Variants in ZNHIT6 observed in about 807,000 individuals in gnomAD.
ZNHIT6 encodes the protein box C/D snoRNA protein 1.
ZNHIT6 carries 45 observed loss-of-function variants against 57.2 expected under a neutral mutation model. The observed-to-expected ratio is 0.79, with a 90% CI of 0.62 to 1.01. The LOEUF is 1.01. ZNHIT6 is among the 50% of genes least tolerant of loss of function. The pLI, the probability that ZNHIT6 is intolerant of heterozygous loss-of-function variation, is 0.00. For synonymous variants in ZNHIT6, 188 were observed against 190.0 expected, an observed-to-expected ratio of 0.99 and a Z score of 0.09; for missense variants, 528 against 567.3, an observed-to-expected ratio of 0.93 and a Z score of 0.70.
chr1:85,682,449 C>T (rs552540899), intron 5 of ZNHIT6, among the ~76,000 whole-genome samples: 1 of 152,204 alleles, frequency 6.6e-6, no homozygotes, highest in South Asian at 2.1e-4. Flanking sequence ...CTCAATCACC[C>T]CAATTCTTGC....
chr1:85,667,961 A>AAAAAAAAAAAATGTATATAT, intron 8 of ZNHIT6, among the ~76,000 whole-genome samples: 1 of 18,200 alleles, frequency 5.5e-5, no homozygotes, highest in African/African-American at 2.1e-4. Flanking sequence ...AAAAAAAAAA[A>AAAAAAAAAAAATGTATATAT]ATATATATAT....
intron 5 of ZNHIT6, among the ~76,000 whole-genome samples, chr1:85,690,885 G>T (rs959338474): frequency 5.9e-5 from 9 of 152,118 alleles, no homozygotes; most frequent in African/African-American, 1.4e-4. Flanking sequence ...AATTAGCCAG[G>T]CGTGGTGGGG....
intron 9 of ZNHIT6, among the ~76,000 whole-genome samples, chr1:85,656,823 AT>A (rs1162988928): frequency 6.6e-6 from 1 of 152,074 alleles, no homozygotes; most frequent in African/African-American, 2.4e-5. Flanking sequence ...TTGGAAAACA[AT>A]TTTTTTCTAT....
intron 8 of ZNHIT6, among the ~76,000 whole-genome samples, chr1:85,668,545 T>C (rs1183485827): frequency 1.3e-5 from 2 of 152,244 alleles, no homozygotes; most frequent in East Asian, 3.8e-4. Context: ...TTCTTAGAAA[T>C]TCTGGAATTT....
rs1204698247 is a variant in ZNHIT6, at chr1:85,650,642, T to C, written c.*3416A>G. Reference sequence around the variant, plus strand: ...ATTCTGGTGGCTGGAAGGCTCAAGATTGGGCAGCTGTATCTGGTGAGGGTC... The same window carrying C: ...ATTCTGGTGGCTGGAAGGCTCAAGACTGGGCAGCTGTATCTGGTGAGGGTC... On this transcript the variant is annotated 3_prime_UTR_variant, in exon 10 of 10. Coordinates refer to ENST00000370574, the MANE Select transcript of ZNHIT6 (RefSeq NM_017953.4). 2.0e-5 allele frequency: 3 copies of C among 152,308 alleles called. No individual in the cohort carries two copies. Among genetic ancestry groups the C allele is most frequent in the Admixed American group, 2.0e-4 (3 of 15,288 alleles). The allele number at this position is 152,308 out of a possible 1,614,324, so 9.4% of individuals were successfully genotyped here.
chr1:85,667,961 A>AAAAAAAAAAAAAAAAAAAAAT, intron 8 of ZNHIT6, among the ~76,000 whole-genome samples: 2 of 18,200 alleles, frequency 1.1e-4, no homozygotes, highest in Non-Finnish European at 2.0e-4. Flanking sequence ...AAAAAAAAAA[A>AAAAAAAAAAAAAAAAAAAAAT]ATATATATAT....
intron 8 of ZNHIT6, among the ~76,000 whole-genome samples, chr1:85,667,961 A>AAAAAAAAAAAAAAAAAAAAATGTGTATAT: frequency 1.1e-4 from 2 of 18,198 alleles, no homozygotes; most frequent in African/African-American, 4.3e-4. Flanking sequence ...AAAAAAAAAA[A>AAAAAAAAAAAAAAAAAAAAATGTGTATAT]ATATATATAT....
At chr1:85,687,299 C>CAAA (rs55889012) in intron 5 of ZNHIT6, among the ~76,000 whole-genome samples, 4 of 77,936 alleles carry the variant, frequency 5.1e-5, no homozygotes, top group Non-Finnish European at 7.0e-5. Context: ...AAAAAAAAAA[C>CAAA]AAAAAAAAAA....
rs1236545493 is a variant in ZNHIT6 at position 85,652,230 on chromosome 1, A to G, written c.*1828T>C. 1 of 152,016 alleles carries G rather than the reference A, an allele frequency of 6.6e-6. No homozygotes were observed. Among genetic ancestry groups the G allele is most frequent in the East Asian group, 1.9e-4 (1 of 5,194 alleles). The allele number at this position is 152,016 out of a possible 1,614,324, so 9.4% of individuals were successfully genotyped here. ...AATTCCTATCCACCCTCATATTCAG[A>G]TCATATTCAGATCGCAAGTTCTTTT... is the stretch of plus-strand genomic sequence containing the variant. On this transcript the variant is annotated 3_prime_UTR_variant, in exon 10 of 10. Coordinates refer to ENST00000370574, the MANE Select transcript of ZNHIT6 (RefSeq NM_017953.4).
At chr1:85,686,608 G>A (rs141872354) in intron 5 of ZNHIT6, among the ~76,000 whole-genome samples, 37 of 151,772 alleles carry the variant, frequency 2.4e-4, no homozygotes, top group African/African-American at 8.7e-4. Flanking sequence ...GAACACTAAC[G>A]AGAGCTCACT....
In ZNHIT6 at chr1:85,678,794, G is replaced by GAAA; in HGVS notation, c.1089-16_1089-14dup. Reference sequence around the variant, plus strand: ...ATCATCTGGTACTCTTTACAACAAAGAAAAAAAAACAAGCTATATTAGTAT... The same window carrying GAAA: ...ATCATCTGGTACTCTTTACAACAAAGAAAAAAAAAAAACAAGCTATATTAGTAT... On this transcript the variant is annotated splice_polypyrimidine_tract_variant and intron_variant, in intron 6 of 9. Coordinates refer to ENST00000370574, the MANE Select transcript of ZNHIT6 (RefSeq NM_017953.4). 1.5e-6 allele frequency: 2 copies of GAAA among 1,346,296 alleles called. No homozygotes were observed. Among genetic ancestry groups the GAAA allele is most frequent in the Admixed American group, 5.3e-5 (2 of 37,744 alleles). The allele number at this position is 1,346,296 out of a possible 1,614,324, so 83.4% of individuals were successfully genotyped here.
chr1:85,679,871 C>G (rs924500671), intron 6 of ZNHIT6, among the ~76,000 whole-genome samples: 1 of 152,102 alleles, frequency 6.6e-6, no homozygotes, highest in African/African-American at 2.4e-5. Context: ...AGGTGTGAGC[C>G]GCTGCATCTG....
Position 85,707,559 on chromosome 1 carries a change from T to C in ZNHIT6, c.656+70A>G, listed in dbSNP as rs376940686. ...ATTATTCCACCTTCTCCTGATAGTG[T>C]GGTTTCCTTCACTCTAGACATGAGG... On this transcript the variant is annotated intron_variant, in intron 1 of 9. Transcript: ENST00000370574. The C allele has an allele frequency of 3.1e-4, 448 of 1,448,570 alleles. 5 individuals carry two copies. In the South Asian group the frequency reaches 6.1e-3, roughly 20 times the overall value. The allele number at this position is 1,448,570 out of a possible 1,614,324, so 89.7% of individuals were successfully genotyped here.
chr1:85,667,961 A>AAAAAAAAAAAAAAAAAAATGTATATATAT lies in ZNHIT6; in HGVS notation c.1247+9274_1247+9275insATATATATACATTTTTTTTTTTTTTTTTT. On this transcript the variant is annotated intron_variant, in intron 8 of 9. Coordinates refer to ENST00000370574, the MANE Select transcript of ZNHIT6 (RefSeq NM_017953.4). ...ACTCTCTCTTTCAAAAAAAAAAAAA[A>AAAAAAAAAAAAAAAAAAATGTATATATAT]ATATATATATATATATATATATATG... Among the ~76,000 whole-genome samples the AAAAAAAAAAAAAAAAAAATGTATATATAT allele has an allele frequency of 1.1e-4, 2 of 18,200 alleles. 1 individual carries two copies. The highest frequency in any genetic ancestry group is 4.2e-4 in the African/African-American group (2 of 4,706). The allele number at this position is 18,200 out of a possible 152,430, so 11.9% of individuals were successfully genotyped here.
At chr1:85,695,274 A>C (rs1662334282) in intron 5 of ZNHIT6, among the ~76,000 whole-genome samples, 1 of 152,160 alleles carries the variant, frequency 6.6e-6, no homozygotes, top group Non-Finnish European at 1.5e-5. Context: ...TCTCCAAAAA[A>C]AAAGATGAAA....
Position 85,653,878 on chromosome 1 carries a change from A to G in ZNHIT6, c.*180T>C. On this transcript the variant is annotated 3_prime_UTR_variant, in exon 10 of 10. Coordinates refer to ENST00000370574, the MANE Select transcript of ZNHIT6 (RefSeq NM_017953.4). Reference sequence around the variant, plus strand: ...TTCTTAATATGAATAAATGGGTCTTACAAGTCAATTAATTCAAGAGGTTAT... The same window carrying G: ...TTCTTAATATGAATAAATGGGTCTTGCAAGTCAATTAATTCAAGAGGTTAT... 1.7e-6 allele frequency: 1 copy of G among 582,908 alleles called. No homozygotes were observed. Among genetic ancestry groups the G allele is most frequent in the South Asian group, 2.3e-5 (1 of 43,042 alleles). 36.1% of individuals were successfully genotyped at this position (582,908 alleles called of 1,614,324 possible).
At chr1:85,664,832 G>GTTGTT (rs907010026) in intron 8 of ZNHIT6, among the ~76,000 whole-genome samples, 11 of 152,012 alleles carry the variant, frequency 7.2e-5, no homozygotes, top group African/African-American at 2.7e-4. Context: ...TCGTTCTGTT[G>GTTGTT]TTGTTTTGTT....
intron 9 of ZNHIT6, among the ~76,000 whole-genome samples, chr1:85,655,306 A>G (rs1350550715): frequency 1.3e-5 from 2 of 152,202 alleles, no homozygotes; most frequent in African/African-American, 2.4e-5. Context: ...AAAAGAAAGA[A>G]AAGAGAAGTA....
At chr1:85,683,317 G>C (rs578130169) in intron 5 of ZNHIT6, among the ~76,000 whole-genome samples, 11 of 152,302 alleles carry the variant, frequency 7.2e-5, no homozygotes, top group African/African-American at 2.6e-4. Flanking sequence ...AGGAGATCGA[G>C]ACCATCCTGG....
Sources: allele counts gnomAD v4.1 joint callset (sites outside exome capture counted in the v4.1 genomes callset), GRCh38; gene constraint gnomAD v4.1.1; transcripts MANE v1.5; gene names NCBI Gene and HGNC (gene_info 2026-07-23, HGNC 2026-07-21).